Variants in EPSTI1 observed in about 807,000 individuals in gnomAD.
EPSTI1 encodes epithelial stromal interaction 1.
In EPSTI1, 66 loss-of-function variants were observed where a neutral mutation model predicts 49.9. That is an observed-to-expected ratio of 1.32 (90% CI 1.08 to 1.62). EPSTI1 has a LOEUF of 1.62. Ranked by LOEUF, EPSTI1 falls within the 40% of genes most tolerant of loss-of-function variation. EPSTI1 has a pLI of 0.00. For missense variants in EPSTI1, 394 were observed against 365.5 expected, an observed-to-expected ratio of 1.08 and a Z score of -0.64; for synonymous variants, 137 against 130.7, an observed-to-expected ratio of 1.05 and a Z score of -0.33.
At chr13:42,921,083 T>C (rs1467360782) in intron 7 of EPSTI1, among the ~76,000 whole-genome samples, 2 of 151,838 alleles carry the variant, frequency 1.3e-5, no homozygotes, top group African/African-American at 2.4e-5. Flanking sequence ...AGAAATTCCA[T>C]AAAGAGAAAA....
chr13:42,933,408 A>G (rs2038446489), intron 6 of EPSTI1, among the ~76,000 whole-genome samples: 1 of 148,946 alleles, frequency 6.7e-6, no homozygotes, highest in Non-Finnish European at 1.5e-5. Flanking sequence ...ACCCCCCGAA[A>G]TGGAACTATT....
At chr13:42,897,576 G>T (rs1339590564) in intron 9 of EPSTI1, among the ~76,000 whole-genome samples, 1 of 152,212 alleles carries the variant, frequency 6.6e-6, no homozygotes, top group Non-Finnish European at 1.5e-5. Flanking sequence ...AGTGCAGACT[G>T]CAAAACAGCT....
intron 8 of EPSTI1, among the ~76,000 whole-genome samples, chr13:42,910,070 T>C (rs2037620553): frequency 6.6e-6 from 1 of 152,124 alleles, no homozygotes; most frequent in Non-Finnish European, 1.5e-5. Context: ...ACACAAATAA[T>C]GTTTTCTGTC....
intron 8 of EPSTI1, among the ~76,000 whole-genome samples, chr13:42,910,941 A>G (rs1188392644): frequency 2.0e-5 from 3 of 150,804 alleles, no homozygotes; most frequent in African/African-American, 7.4e-5. Context: ...TTAAGAAAAT[A>G]TTATTTTTAG....
At chr13:42,947,392 C>T (rs771644502) in intron 6 of EPSTI1, among the ~76,000 whole-genome samples, 7 of 152,116 alleles carry the variant, frequency 4.6e-5, no homozygotes, top group Non-Finnish European at 4.4e-5. Flanking sequence ...ATGAAAATGT[C>T]TCCTAAATAT....
At chr13:42,908,409 C>G (rs942522783) in intron 8 of EPSTI1, among the ~76,000 whole-genome samples, 5 of 151,012 alleles carry the variant, frequency 3.3e-5, no homozygotes, top group African/African-American at 1.2e-4. Context: ...TTGTTTGAAT[C>G]CCAAAGGCAG....
intron 6 of EPSTI1, among the ~76,000 whole-genome samples, chr13:42,937,767 G>A (rs184273756): frequency 3.9e-4 from 59 of 152,146 alleles, no homozygotes; most frequent in African/African-American, 1.3e-3. Context: ...ATCCATGAGG[G>A]CTGGGATCAT....
intron 9 of EPSTI1, among the ~76,000 whole-genome samples, chr13:42,899,190 T>C (rs2037282444): frequency 7.1e-6 from 1 of 140,858 alleles, no homozygotes; most frequent in South Asian, 2.3e-4. Context: ...AGAGTGAGAC[T>C]CTGTCTCAAA....
intron 1 of EPSTI1, among the ~76,000 whole-genome samples, chr13:42,971,961 ATCCC>A (rs1347735784): frequency 6.6e-6 from 1 of 152,176 alleles, no homozygotes; most frequent in East Asian, 1.9e-4. Flanking sequence ...CTGGCAATTA[ATCCC>A]TTGTCCATTG....
intron 1 of EPSTI1, among the ~76,000 whole-genome samples, chr13:42,979,296 C>T (rs1307120830): frequency 3.3e-5 from 5 of 152,062 alleles, no homozygotes; most frequent in African/African-American, 1.2e-4. Context: ...AATTTTAAGC[C>T]GGTGGGGCAC....
At chr13:42,985,156 C>T (rs2153436380) in intron 1 of EPSTI1, among the ~76,000 whole-genome samples, 1 of 152,248 alleles carries the variant, frequency 6.6e-6, no homozygotes, top group East Asian at 1.9e-4. Flanking sequence ...GTGAGAGAGG[C>T]CCTCCCAAAG....
intron 8 of EPSTI1, among the ~76,000 whole-genome samples, chr13:42,906,296 T>C (rs2037497430): frequency 6.6e-6 from 1 of 152,208 alleles, no homozygotes; most frequent in African/African-American, 2.4e-5. Flanking sequence ...TGTGTAAAGC[T>C]GGATGCTTAA....
chr13:42,945,144 A>G (rs1317139970), intron 6 of EPSTI1, among the ~76,000 whole-genome samples: 3 of 152,248 alleles, frequency 2.0e-5, no homozygotes, highest in Non-Finnish European at 4.4e-5. Flanking sequence ...TAATTGACTC[A>G]CAGTTCCACA....
chr13:42,889,879 C>T (rs778936932), intron 10 of EPSTI1, among the ~76,000 whole-genome samples: 16 of 152,054 alleles, frequency 1.1e-4, no homozygotes, highest in Admixed American at 1.0e-3. Context: ...CTTTTATTTT[C>T]TAAAATGTAA....
At chr13:42,978,927 A>G (rs2153435072) in intron 1 of EPSTI1, among the ~76,000 whole-genome samples, 1 of 152,244 alleles carries the variant, frequency 6.6e-6, no homozygotes, top group South Asian at 2.1e-4. Flanking sequence ...ATTTCTTTAT[A>G]TCCCTGTTTC....
At chr13:42,985,430 G>A (rs188598551) in intron 1 of EPSTI1, among the ~76,000 whole-genome samples, 237 of 152,256 alleles carry the variant, frequency 1.6e-3, no homozygotes, top group African/African-American at 4.8e-3. Context: ...TTTTTGCAGA[G>A]CCTTTTGTGA....
At chr13:42,907,506 T>G (rs1343519345) in intron 8 of EPSTI1, among the ~76,000 whole-genome samples, 1 of 152,168 alleles carries the variant, frequency 6.6e-6, no homozygotes, top group Non-Finnish European at 1.5e-5. Context: ...AGATCTAATA[T>G]TTTTACTTTT....
chr13:42,980,497 G>C (rs1323673658), intron 1 of EPSTI1, among the ~76,000 whole-genome samples: 3 of 152,234 alleles, frequency 2.0e-5, no homozygotes, highest in Non-Finnish European at 4.4e-5. Context: ...TGGCAGGCAA[G>C]AGAGCACGTG....
In EPSTI1 at chr13:42,989,586, T is replaced by TTTTTG. The variant is rs1214107461; in HGVS notation, c.188+2387_188+2391dup. Reference sequence around the variant, plus strand: ...TTTTTTCTTTTTTTTTTTTTTTTGCTTTTTGTTTTGTTTTGTTTTGTTTTT... The same window carrying TTTTTG: ...TTTTTTCTTTTTTTTTTTTTTTTGCTTTTTGTTTTGTTTTGTTTTGTTTTGTTTTT... On this transcript the variant is annotated intron_variant, in intron 1 of 10. Transcript: ENST00000313624. Among the ~76,000 whole-genome samples the TTTTTG allele has an allele frequency of 1.3e-4, 9 of 69,938 alleles. No homozygotes were observed. In the East Asian group the frequency reaches 3.3e-3, roughly 25 times the overall value. The allele number at this position is 69,938 out of a possible 152,430, so 45.9% of individuals were successfully genotyped here.
Sources: allele counts gnomAD v4.1 joint callset (sites outside exome capture counted in the v4.1 genomes callset), GRCh38; gene constraint gnomAD v4.1.1; transcripts MANE v1.5; gene names NCBI Gene and HGNC (gene_info 2026-07-23, HGNC 2026-07-21).